Variants in RCC2 observed in about 807,000 individuals in gnomAD.
RCC2 encodes the protein regulator of chromosome condensation 2, also known as protein RCC2.
RCC2 carries 19 observed loss-of-function variants against 64.1 expected under a neutral mutation model. The observed-to-expected ratio is 0.30, with a 90% confidence interval of 0.21 to 0.44. The LOEUF (loss-of-function observed/expected upper bound fraction) is 0.44. RCC2 is among the 20% of genes least tolerant of loss of function. RCC2 has a pLI of 1.00. For missense variants in RCC2, 508 were observed against 710.4 expected (o/e 0.72, Z 3.24); for synonymous variants, 325 against 279.6 (o/e 1.16, Z -1.62).
intron 2 of RCC2, among the ~76,000 whole-genome samples, chr1:17,436,745 T>C (rs1032968453): frequency 1.3e-5 from 2 of 152,214 alleles, no homozygotes; most frequent in Non-Finnish European, 2.9e-5. Context: ...AACACAATCT[T>C]GCTTTTGGAA....
chr1:17,426,072 T>A (rs574519051), intron 3 of RCC2, among the ~76,000 whole-genome samples: 25 of 152,092 alleles, frequency 1.6e-4, no homozygotes, highest in Non-Finnish European at 3.2e-4. Context: ...GAGTGCTGGC[T>A]TTCCACAGCC....
rs939758933 is a variant in RCC2 at position 17,438,635 on chromosome 1, G to C, written c.-8-113C>G. ...CACTTCCTCCTCTGCCCTCCCCAAA[G>C]TGGCGGCCGCAGGGTGGGCGGAGAG... On this transcript the variant is annotated intron_variant, in intron 1 of 12. Transcript: ENST00000375436. The C allele has an allele frequency of 7.8e-5, 86 of 1,109,606 alleles. No individual in the cohort carries two copies. In the African/African-American group the frequency reaches 1.2e-3, roughly 16 times the overall value. 68.7% of individuals were successfully genotyped at this position (1,109,606 alleles called of 1,614,324 possible).
At chr1:17,439,037 C>T (rs914917014) in intron 1 of RCC2, among the ~76,000 whole-genome samples, 12 of 151,898 alleles carry the variant, frequency 7.9e-5, no homozygotes, top group Non-Finnish European at 1.5e-5. Context: ...CTCCCCCACC[C>T]CGCATCAGCC....
At chr1:17,438,602 C>T in intron 1 of RCC2, 80 bp from the exon 2 acceptor site, 1 of 1,229,628 alleles carries the variant, frequency 8.1e-7, no homozygotes, top group South Asian at 3.5e-5. Context: ...GACGAGCCAC[C>T]CGGCCTCCAC....
intron 6 of RCC2, 58 bp downstream of exon 6, chr1:17,422,145 C>T (rs2075562671): frequency 3.0e-6 from 4 of 1,318,976 alleles, no homozygotes. Context: ...CTTAGAAAAT[C>T]AAACACAAAA....
chr1:17,433,125 G>C (rs1292180465), intron 2 of RCC2, among the ~76,000 whole-genome samples: 1 of 152,138 alleles, frequency 6.6e-6, no homozygotes, highest in Non-Finnish European at 1.5e-5. Flanking sequence ...ACGGTGGTCA[G>C]ATTCCTATGA....
Position 17,438,292 on chromosome 1 carries a change from C to T in RCC2, c.223G>A (p.Ala75Thr), listed in dbSNP as rs147842365. Residue 75 changes from alanine to threonine, a missense_variant, in exon 2 of 13, where the codon GCA becomes ACA. Transcript: ENST00000375436. ...ACGGCCGCGCCGCCCGCCTTGCCTGCTGTCGCCGGCCGCGCCGCGCGCTTG... is the reference window on the plus strand; with the variant it reads ...ACGGCCGCGCCGCCCGCCTTGCCTGTTGTCGCCGGCCGCGCCGCGCGCTTG... ...GGKRAARPAT[A>T]GKAGGAAVVI... 5.2e-3 allele frequency: 6,637 copies of T among 1,272,760 alleles called. 320 individuals are homozygous for T. The African/African-American group carries it at 0.092, about 18-fold the overall frequency. The allele number at this position is 1,272,760 out of a possible 1,614,324, so 78.8% of individuals were successfully genotyped here. A position where few individuals can be genotyped will look rare whatever the true frequency, so the allele number is the denominator to read the frequency against.
Position 17,438,372 on chromosome 1 carries a change from C to T in RCC2, c.143G>A (p.Gly48Asp). The T allele has an allele frequency of 3.2e-6, 4 of 1,245,292 alleles. No homozygotes were observed. The highest frequency in any genetic ancestry group is 4.2e-5 in the Admixed American group (1 of 23,574). 77.1% of individuals were successfully genotyped at this position (1,245,292 alleles called of 1,614,324 possible). Residue 48 changes from glycine to aspartate, a missense_variant, in exon 2 of 13, where the codon GGC becomes GAC. Gly to Asp is a moderately conservative substitution (Grantham distance 94). Coordinates refer to ENST00000375436, the MANE Select transcript of RCC2 (RefSeq NM_018715.4). ...GCCGTCCTCGTCGCCGCTGCTGCCG[C>T]CGCCGCTGCTGCTACTGCAGCGCTC... ...RPERCSSSSG[G>D]GSSGDEDGLE...
chr1:17,425,595 A>T lies in RCC2; in HGVS notation c.469T>A (p.Ser157Thr). The change falls in exon 4 of 13, where the codon TCG (serine) becomes ACG (threonine). Residue 157 changes from serine (S) to threonine (T), a missense_variant. Ser to Thr is a moderately conservative substitution (Grantham distance 58). Around this residue, in one of 4 missense-constraint regions of RCC2, gnomAD observed 132 missense variants for 207.3 expected, o/e 0.64. Transcript: ENST00000375436. ...ATGAGGAGGCTGTGTGCAGCACACG[A>T]GCCCGAGACCACTGTCCGCACCCGG... ...GVRVRTVVSG[S>T]CAAHSLLITT... 3.7e-6 allele frequency: 6 copies of T among 1,614,106 alleles called. No individual in the cohort carries two copies. The highest frequency in any genetic ancestry group is 5.1e-6 in the Non-Finnish European group (6 of 1,179,990).
chr1:17,410,522 T>C (rs2075412778), intron 11 of RCC2, among the ~76,000 whole-genome samples: 1 of 152,218 alleles, frequency 6.6e-6, no homozygotes, highest in Non-Finnish European at 1.5e-5. Context: ...GGGAGACTAT[T>C]AGCAATGGCA....
At chr1:17,436,441 G>A (rs1312990871) in intron 2 of RCC2, among the ~76,000 whole-genome samples, 1 of 152,198 alleles carries the variant, frequency 6.6e-6, no homozygotes, top group Non-Finnish European at 1.5e-5. Flanking sequence ...CTGAGAGGCG[G>A]AGGTTGCAGT....
intron 7 of RCC2, among the ~76,000 whole-genome samples, chr1:17,416,942 G>C (rs540714995): frequency 1.3e-5 from 2 of 152,258 alleles, no homozygotes; most frequent in Admixed American, 6.5e-5. Context: ...ACAATTCCAG[G>C]TAAGGTATTA....
At chr1:17,424,005 G>C (rs2075585888) in intron 4 of RCC2, among the ~76,000 whole-genome samples, 1 of 152,208 alleles carries the variant, frequency 6.6e-6, no homozygotes, top group Non-Finnish European at 1.5e-5. Flanking sequence ...GAGCAGGAGA[G>C]GCAGATACAC....
At chr1:17,414,811 T>C (rs1273682824) in intron 8 of RCC2, among the ~76,000 whole-genome samples, 6 of 152,066 alleles carry the variant, frequency 3.9e-5, no homozygotes, top group African/African-American at 1.4e-4. Flanking sequence ...TTGTGGTTTT[T>C]TTGTAGAGAT....
chr1:17,439,406 T>G lies in RCC2; in HGVS notation c.-9+139A>C, dbSNP rs543271528. On this transcript the variant is annotated intron_variant, in intron 1 of 12. Transcript: ENST00000375436. ...CCGATTAAACCACGTGGATCCGCCT[T>G]CCTTCCTCTTTTTATTCCTTCAATC... 5.4e-5 allele frequency: 8 copies of G among 148,072 alleles called. No individual in the cohort carries two copies. In the South Asian group the frequency reaches 1.3e-3, roughly 24 times the overall value. 9.2% of individuals were successfully genotyped at this position (148,072 alleles called of 1,614,324 possible).
intron 2 of RCC2, among the ~76,000 whole-genome samples, chr1:17,431,359 A>AAAAAAAAAAAAAAAAAATAT (rs1553158471): frequency 2.2e-5 from 1 of 44,936 alleles, no homozygotes; most frequent in Non-Finnish European, 3.8e-5. Flanking sequence ...AAAAAAAAAA[A>AAAAAAAAAAAAAAAAAATAT]ATATATATAT....
chr1:17,425,840 C>G (rs969754156), intron 3 of RCC2, among the ~76,000 whole-genome samples, 156 bp from the exon 4 acceptor site: 1 of 152,180 alleles, frequency 6.6e-6, no homozygotes, highest in Non-Finnish European at 1.5e-5. Flanking sequence ...GCACAAGGAT[C>G]GGGTTTTCAC....
Position 17,409,849 on chromosome 1 carries a change from C to T in RCC2, c.1464+125G>A, listed in dbSNP as rs2075405859. On this transcript the variant is annotated intron_variant, in intron 12 of 12. Coordinates refer to ENST00000375436, the MANE Select transcript of RCC2 (RefSeq NM_018715.4). ...CTCAAACAAATCTTAGCGTGAGACACCAGGAAAGCCAGCTGAGATGGTAAA... is the reference window on the plus strand; with the variant it reads ...CTCAAACAAATCTTAGCGTGAGACATCAGGAAAGCCAGCTGAGATGGTAAA... The T allele has an allele frequency of 2.8e-5, 23 of 817,024 alleles. 1 individual carries two copies. In the South Asian group the frequency reaches 3.3e-4, roughly 12 times the overall value. 50.6% of individuals were successfully genotyped at this position (817,024 alleles called of 1,614,324 possible).
chr1:17,417,799 G>A (rs2075505018), intron 7 of RCC2, among the ~76,000 whole-genome samples: 1 of 152,080 alleles, frequency 6.6e-6, no homozygotes, highest in Non-Finnish European at 1.5e-5. Context: ...ATTGGTATGT[G>A]TGTTTTTGAG....
Sources: allele counts gnomAD v4.1 joint callset (sites outside exome capture counted in the v4.1 genomes callset), GRCh38; gene constraint gnomAD v4.1.1; regional missense constraint gnomAD v4.1.1; transcripts MANE v1.5; gene names NCBI Gene and HGNC (gene_info 2026-07-23, HGNC 2026-07-21).